The following PTPRF variants were observed in gnomAD, a reference collection of about 807,000 sequenced individuals.
The protein encoded by PTPRF is receptor-type tyrosine-protein phosphatase F.
PTPRF carries 59 observed loss-of-function variants against 201.8 expected under a neutral mutation model. That is an observed-to-expected ratio of 0.29 (90% confidence interval 0.24 to 0.36). The LOEUF (loss-of-function observed/expected upper bound fraction) is 0.36, where lower values mean the gene tolerates loss of function less well. PTPRF is among the 10% of genes least tolerant of loss of function. The probability of loss-of-function intolerance (pLI) is 1.00; values close to 1 mark genes in which losing one functional copy is unlikely to be tolerated. For missense variants in PTPRF, 2,132 were observed against 2,690.5 expected (o/e 0.79, Z 4.59); for synonymous variants, 1,088 against 1,089.7 (o/e 1.00, Z 0.03).
chr1:43,543,988 AC>A (rs957238046), intron 2 of PTPRF, among the ~76,000 whole-genome samples: 3 of 152,184 alleles, frequency 2.0e-5, no homozygotes, highest in African/African-American at 7.2e-5. Flanking sequence ...TGGGGAGCTC[AC>A]CAGTGGGGCC....
At chr1:43,608,266 C>T (rs1051841633) in intron 21 of PTPRF, among the ~76,000 whole-genome samples, 2 of 152,178 alleles carry the variant, frequency 1.3e-5, no homozygotes, top group Admixed American at 6.5e-5. Flanking sequence ...GGGCTGAGTG[C>T]TTGGTGGAAA....
Position 43,619,211 on chromosome 1 carries a change from G to C in PTPRF, c.4646+9G>C. ...ATGGTGGTGCACTGCAGGTGAGAGG[G>C]TACAGTGCCACCCAGAGGGGTGGGT... On this transcript the variant is annotated intron_variant, in intron 27 of 33. Transcript: ENST00000359947. 1 of 1,279,084 alleles carries C rather than the reference G, an allele frequency of 7.8e-7. No homozygotes were observed. Among genetic ancestry groups the C allele is most frequent in the Non-Finnish European group, 1.1e-6 (1 of 938,184 alleles). 79.2% of individuals were successfully genotyped at this position (1,279,084 alleles called of 1,614,324 possible).
At position 43,606,888 on chromosome 1, in the gene PTPRF, G is replaced by A. The variant is rs200530771; in HGVS notation, c.3777G>A (p.Pro1259=). 6.0e-5 allele frequency: 97 copies of A among 1,614,186 alleles called. No individual in the cohort carries two copies. The highest frequency in any genetic ancestry group is 6.9e-5 in the Non-Finnish European group (82 of 1,180,034). Residue 1259 remains proline, a synonymous_variant, in exon 21 of 34, where the codon CCG becomes CCA. Coordinates refer to ENST00000359947, the MANE Select transcript of PTPRF (RefSeq NM_002840.5). ...CACCAGCCCAGCAGCAGGAGGAGCC[G>A]GAGATGCTGTGGGTGACGGGTCCCG... ...QVTPAQQQEE[P]EMLWVTGPVL... is the part of the protein sequence containing the mutation.
At chr1:43,595,419 A>G (rs74626976) in intron 11 of PTPRF, among the ~76,000 whole-genome samples, 1 of 151,830 alleles carries the variant, frequency 6.6e-6, no homozygotes, top group Non-Finnish European at 1.5e-5. Context: ...ACAGTGTTTC[A>G]CCGTGTTAGC....
At chr1:43,572,823 A>G (rs1316122458) in intron 6 of PTPRF, among the ~76,000 whole-genome samples, 2 of 152,152 alleles carry the variant, frequency 1.3e-5, no homozygotes, top group Admixed American at 6.5e-5. Flanking sequence ...GGGGTCACAC[A>G]TCGAGACTCG....
intron 22 of PTPRF, among the ~76,000 whole-genome samples, chr1:43,612,326 A>G (rs571460039): frequency 6.6e-6 from 1 of 152,234 alleles, no homozygotes; most frequent in Admixed American, 6.5e-5. Context: ...TCCTGGGAAG[A>G]TACCTGGGAA....
At chr1:43,575,995 G>C in intron 6 of PTPRF, 1 of 1,326,454 alleles carries the variant, frequency 7.5e-7, no homozygotes, top group Non-Finnish European at 1.0e-6. Context: ...ACTCCATCCC[G>C]TCCAGTCTGT....
In PTPRF at chr1:43,545,152, G is replaced by T; in HGVS notation, c.77G>T (p.Gly26Val). ...CTGGTGATGCTTGGTTTGGTGGCAG[G>T]CGCCCATGGTGACAGTAAGTCTGAC... The part of the protein sequence containing the change: ...PALVMLGLVA[G>V]AHGDSKPVFI... The change falls in exon 3 of 34, where the codon GGC (glycine) becomes GTC (valine). Residue 26 changes from glycine to valine, a missense_variant. Physicochemically the swap from Gly to Val is moderately radical, Grantham distance 109. Coordinates refer to ENST00000359947, the MANE Select transcript of PTPRF (RefSeq NM_002840.5). 2 of 1,581,270 alleles carry T rather than the reference G, an allele frequency of 1.3e-6. No individual in the cohort carries two copies. Among genetic ancestry groups the T allele is most frequent in the Non-Finnish European group, 1.7e-6 (2 of 1,163,188 alleles).
intron 23 of PTPRF, among the ~76,000 whole-genome samples, chr1:43,614,961 G>A (rs576997886): frequency 7.2e-5 from 11 of 152,280 alleles, no homozygotes; most frequent in African/African-American, 1.4e-4. Flanking sequence ...TGTGCTTGTC[G>A]TTCTGCCTTG....
chr1:43,591,840 C>G lies in PTPRF; in HGVS notation c.1560C>G (p.Ala520=). The G allele has an allele frequency of 6.2e-7, 1 of 1,613,344 alleles. No individual in the cohort carries two copies. The highest frequency in any genetic ancestry group is 8.5e-7 in the Non-Finnish European group (1 of 1,179,996). The change falls in exon 10 of 34, where the codon GCC becomes GCG. Residue 520 remains alanine, a synonymous_variant. Coordinates refer to ENST00000359947, the MANE Select transcript of PTPRF (RefSeq NM_002840.5). ...CTGCCCAGCCCGCGGACTTCCAGGC[C>G]GAGGTGGAGTCGGACACCAGGATCC... ...GVPAQPADFQ[A]EVESDTRIQL...
rs747165352 is a variant in PTPRF, at chr1:43,620,859, C to T, written c.5386C>T (p.Arg1796Trp). 2 of 1,612,838 alleles carry T rather than the reference C, an allele frequency of 1.2e-6. No individual in the cohort carries two copies. The highest frequency in any genetic ancestry group is 1.1e-5 in the South Asian group (1 of 90,848). ...DARDGQSRTI[R>W]QFQFTDWPEQ... The stretch of plus-strand genomic sequence containing the variant: ...CCAGGATGGGCAGTCAAGGACAATC[C>T]GGCAGTTCCAGTTCACAGACTGGCC... The change falls in exon 32 of 34, where the codon CGG (arginine) becomes TGG (tryptophan). Residue 1796 changes from arginine (R) to tryptophan (W), a missense_variant. Coordinates refer to ENST00000359947, the MANE Select transcript of PTPRF (RefSeq NM_002840.5).
Position 43,603,461 on chromosome 1 carries a change from A to G in PTPRF, c.2386A>G (p.Thr796Ala), listed in dbSNP as rs1654292829. ...GACCCCGGAGACCACCTACTCCGTT[A>G]CTGTTGCTGCCTATACCACCAAGGG... ...GLTPETTYSV[T>A]VAAYTTKGDG... Residue 796 changes from threonine (T) to alanine (A), a missense_variant, in exon 15 of 34, where the codon ACT (threonine) becomes GCT (alanine). Thr to Ala is a moderately conservative substitution (Grantham distance 58). Around this residue, in one of 6 missense-constraint regions of PTPRF, gnomAD observed 818 missense variants for 915.3 expected, o/e 0.89. Coordinates refer to ENST00000359947, the MANE Select transcript of PTPRF (RefSeq NM_002840.5). The surrounding 1 kb of genome is among the most constrained non-coding windows in gnomAD (Gnocchi z 5.8). The G allele has an allele frequency of 1.2e-6, 2 of 1,614,102 alleles. No homozygotes were observed. The highest frequency in any genetic ancestry group is 8.5e-7 in the Non-Finnish European group (1 of 1,180,004).
At chr1:43,560,981 T>C (rs1013697934) in intron 5 of PTPRF, among the ~76,000 whole-genome samples, 1 of 152,146 alleles carries the variant, frequency 6.6e-6, no homozygotes, top group African/African-American at 2.4e-5. Flanking sequence ...TGGAGCAGGC[T>C]CTGGGGAAGG....
At position 43,620,518 on chromosome 1, in the gene PTPRF, C is replaced by G; in HGVS notation, c.5303C>G (p.Pro1768Arg). ...CGCTACCAGTACTTTGTTGTTGACC[C>G]GATGGCTGAGTACAACATGCCCCAG... ...SARYQYFVVD[P>R]MAEYNMPQYI... Residue 1768 changes from proline to arginine, a missense_variant, in exon 31 of 34, where the codon CCG becomes CGG. By Grantham distance (103) the Pro-to-Arg change is moderately radical. Coordinates refer to ENST00000359947, the MANE Select transcript of PTPRF (RefSeq NM_002840.5). 1.2e-6 allele frequency: 2 copies of G among 1,613,882 alleles called. No individual in the cohort carries two copies. Among genetic ancestry groups the G allele is most frequent in the Non-Finnish European group, 8.5e-7 (1 of 1,179,752 alleles).
intron 23 of PTPRF, among the ~76,000 whole-genome samples, chr1:43,615,595 C>T (rs553134809): frequency 6.7e-4 from 76 of 113,042 alleles, no homozygotes; most frequent in Admixed American, 2.0e-3. Context: ...TTTTGGAAGT[C>T]TCGCTCCGTC....
intron 6 of PTPRF, among the ~76,000 whole-genome samples, chr1:43,574,074 G>A (rs1014308247): frequency 7.8e-6 from 1 of 128,994 alleles, no homozygotes; most frequent in Non-Finnish European, 1.6e-5. Flanking sequence ...TCGGCTCATC[G>A]CAACCTCTGC....
In PTPRF at chr1:43,545,019, T is replaced by C. The variant is rs1644573370; in HGVS notation, c.-45-12T>C. On this transcript the variant is annotated splice_polypyrimidine_tract_variant and intron_variant, in intron 2 of 33. Coordinates refer to ENST00000359947, the MANE Select transcript of PTPRF (RefSeq NM_002840.5). ...TACCAGCTAACTGGCTCTGCCCTTCTCTCCATTACAGGTTGATTGTCCTGG... is the reference window on the plus strand; with the variant it reads ...TACCAGCTAACTGGCTCTGCCCTTCCCTCCATTACAGGTTGATTGTCCTGG... 5 of 1,461,624 alleles carry C rather than the reference T, an allele frequency of 3.4e-6. No individual in the cohort carries two copies. Among genetic ancestry groups the C allele is most frequent in the Admixed American group, 2.2e-5 (1 of 46,182 alleles). 90.5% of individuals were successfully genotyped at this position (1,461,624 alleles called of 1,614,324 possible).
intron 22 of PTPRF, among the ~76,000 whole-genome samples, chr1:43,612,442 T>G (rs146965257): frequency 2.4e-4 from 36 of 152,170 alleles, no homozygotes; most frequent in African/African-American, 8.4e-4. Flanking sequence ...AAGGGCAAAT[T>G]TTGGTATCAA....
rs1557823310 is a variant in PTPRF, at chr1:43,602,106, C to T, written c.2340+9C>T. On this transcript the variant is annotated intron_variant, in intron 14 of 33. Transcript: ENST00000359947. ...AGGAGTCCGAGGACTATGTAAGTAA[C>T]AGGTGTGCGAACGCGGACAAGACAT... is the stretch of plus-strand genomic sequence containing the variant. 2 of 1,612,698 alleles carry T rather than the reference C, an allele frequency of 1.2e-6. No individual in the cohort carries two copies. Among genetic ancestry groups the T allele is most frequent in the Middle Eastern group, 1.7e-4 (1 of 6,056 alleles).
Sources: allele counts gnomAD v4.1 joint callset (sites outside exome capture counted in the v4.1 genomes callset), GRCh38; gene constraint gnomAD v4.1.1; regional missense constraint gnomAD v4.1.1; non-coding constraint Gnocchi (gnomAD v3.1); transcripts MANE v1.5; gene names NCBI Gene and HGNC (gene_info 2026-07-23, HGNC 2026-07-21).